Variants in ASAH2 observed in about 807,000 individuals in gnomAD.
ASAH2 encodes the protein N-acylsphingosine amidohydrolase 2.
ASAH2 carries 58 observed loss-of-function variants against 82.9 expected under a neutral mutation model. The ratio of observed to expected loss-of-function variants is 0.70; its 90% CI spans 0.57 to 0.87. The LOEUF is 0.87. Ranked by LOEUF, ASAH2 falls within the 40% of genes least tolerant of loss-of-function variation. ASAH2 has a pLI of 0.00. For synonymous variants in ASAH2, 276 were observed against 289.7 expected, an observed-to-expected ratio of 0.95 and a Z score of 0.48; for missense variants, 779 against 834.0, an observed-to-expected ratio of 0.93 and a Z score of 0.81.
At chr10:50,238,310 A>T (rs1260090733) in intron 4 of ASAH2, among the ~76,000 whole-genome samples, 6 of 152,284 alleles carry the variant, frequency 3.9e-5, no homozygotes, top group African/African-American at 1.4e-4. Context: ...GCAGGTGAAG[A>T]TCTACACCAT....
intron 4 of ASAH2, among the ~76,000 whole-genome samples, chr10:50,237,737 C>T (rs1315610847): frequency 6.6e-6 from 1 of 152,136 alleles, no homozygotes; most frequent in Non-Finnish European, 1.5e-5. Context: ...GCTGATTATG[C>T]TTTAATAAGC....
chr10:50,240,779 A>G (rs1027047085), intron 4 of ASAH2, among the ~76,000 whole-genome samples: 1 of 152,142 alleles, frequency 6.6e-6, no homozygotes, highest in Non-Finnish European at 1.5e-5. Flanking sequence ...TGCTCACTCA[A>G]GTGTCATTTC....
In ASAH2 at chr10:50,213,300, G is replaced by A. The variant is rs1451523074; in HGVS notation, c.1141-242C>T. On this transcript the variant is annotated intron_variant, in intron 9 of 20. Coordinates refer to ENST00000682911, the MANE Select transcript of ASAH2 (RefSeq NM_019893.4). ...TTAAAAATAAGGAAATTGAGGCTCA[G>A]GTTAAAAGATGTGTTGCTGATTATG... Among the ~76,000 whole-genome samples, 2 of 152,140 alleles carry A rather than the reference G, an allele frequency of 1.3e-5. 1 individual carries two copies. Among genetic ancestry groups the A allele is most frequent in the Non-Finnish European group, 2.9e-5 (2 of 68,038 alleles).
intron 7 of ASAH2, among the ~76,000 whole-genome samples, chr10:50,231,158 C>A (rs1589348522): frequency 2.0e-5 from 3 of 152,040 alleles, no homozygotes; most frequent in South Asian, 4.2e-4. Context: ...CTTGTCCCAA[C>A]AAATTTGGGA....
chr10:50,236,920 T>C (rs1218707660), intron 4 of ASAH2, among the ~76,000 whole-genome samples: 2 of 152,132 alleles, frequency 1.3e-5, no homozygotes, highest in Non-Finnish European at 2.9e-5. Context: ...ATATTTTTTT[T>C]CTAATGAAAG....
chr10:50,249,614 A>G (rs529060744), intron 1 of ASAH2, among the ~76,000 whole-genome samples: 11 of 152,356 alleles, frequency 7.2e-5, no homozygotes. Context: ...ATCTTATCTC[A>G]AAGTTCTTAT....
chr10:50,203,730 A>G (rs113345336), intron 14 of ASAH2, 51 bp from the exon 15 acceptor site: 1 of 1,552,324 alleles, frequency 6.4e-7, no homozygotes, highest in East Asian at 2.2e-5. Flanking sequence ...ACGTATGCAG[A>G]GTACACAGAA....
At chr10:50,198,097 T>A (rs1283887265) in intron 17 of ASAH2, among the ~76,000 whole-genome samples, 1 of 152,080 alleles carries the variant, frequency 6.6e-6, no homozygotes, top group Non-Finnish European at 1.5e-5. Context: ...TACAGGCATA[T>A]GAAATTTTCA....
At chr10:50,193,167 TA>T (rs1421860144) in intron 18 of ASAH2, among the ~76,000 whole-genome samples, 2 of 145,886 alleles carry the variant, frequency 1.4e-5, no homozygotes, top group African/African-American at 2.5e-5. Context: ...CTGAAACGAC[TA>T]AAAAACTGGA....
Position 50,203,631 on chromosome 10 carries a change from T to C in ASAH2, c.1665+9A>G. The C allele has an allele frequency of 6.2e-7, 1 of 1,611,524 alleles. No individual in the cohort carries two copies. Among genetic ancestry groups the C allele is most frequent in the South Asian group, 1.1e-5 (1 of 91,024 alleles). On this transcript the variant is annotated intron_variant, in intron 15 of 20. Transcript: ENST00000682911. The stretch of plus-strand genomic sequence containing the variant: ...AACATGTAGATATGTTATTTTATTT[T>C]TAACTTACTGCTTGAACTGCCTCTC...
Position 50,233,153 on chromosome 10 carries a change from C to T in ASAH2, c.893+31G>A, listed in dbSNP as rs962952210. On this transcript the variant is annotated intron_variant, in intron 7 of 20. Transcript: ENST00000682911. ...TCTTTAATTAAGAAAAGCTACCCGA[C>T]AGAATTATTTTTAAAAAGGAAATAC... 1.2e-5 allele frequency: 17 copies of T among 1,472,580 alleles called. No homozygotes were observed. The African/African-American group carries it at 2.1e-4, about 18-fold the overall frequency. 91.2% of individuals were successfully genotyped at this position (1,472,580 alleles called of 1,614,324 possible). A position where few individuals can be genotyped will look rare whatever the true frequency, so the allele number is the denominator to read the frequency against.
intron 7 of ASAH2, among the ~76,000 whole-genome samples, chr10:50,231,986 T>C (rs897485456): frequency 3.3e-5 from 5 of 152,130 alleles, no homozygotes; most frequent in Non-Finnish European, 7.4e-5. Flanking sequence ...AATAGGATAG[T>C]TAAGGTCTAA....
chr10:50,240,441 G>C (rs1449813159), intron 4 of ASAH2: 6 of 701,782 alleles, frequency 8.5e-6, no homozygotes, highest in Non-Finnish European at 1.3e-5. Context: ...CTCACTTCTA[G>C]TTCCACTCTA....
rs2133206750 is a variant in ASAH2 at position 50,211,058 on chromosome 10, A to G, written c.1304T>C (p.Val435Ala). 1.2e-6 allele frequency: 2 copies of G among 1,613,616 alleles called. No individual in the cohort carries two copies. Among genetic ancestry groups the G allele is most frequent in the South Asian group, 2.2e-5 (2 of 91,070 alleles). Residue 435 changes from valine (V) to alanine (A), a missense_variant, in exon 11 of 21, where the codon GTG becomes GCG. Coordinates refer to ENST00000682911, the MANE Select transcript of ASAH2 (RefSeq NM_019893.4). ...ATGTGTGGAATTGAGCCAGACAGTC[A>G]CATCTGTCATATCCACCCACTGGTG... ...SAHQWVDMTD[V>A]TVWLNSTHAS...
Position 50,212,629 on chromosome 10 carries a change from T to C in ASAH2, c.1227+343A>G, listed in dbSNP as rs1055898191. Among the ~76,000 whole-genome samples the C allele has an allele frequency of 1.1e-3, 170 of 152,184 alleles. 2 individuals are homozygous for C. The highest frequency in any genetic ancestry group is 4.7e-4 in the Non-Finnish European group (32 of 68,032). On this transcript the variant is annotated intron_variant, in intron 10 of 20. Coordinates refer to ENST00000682911, the MANE Select transcript of ASAH2 (RefSeq NM_019893.4). The stretch of plus-strand genomic sequence containing the variant: ...CCTTAAAGACTTCTGAGAATTTGAA[T>C]CAATCTGGTCATATCTAATGCCACA...
At chr10:50,236,422 A>T (rs1339662877) in intron 4 of ASAH2, among the ~76,000 whole-genome samples, 2 of 152,068 alleles carry the variant, frequency 1.3e-5, no homozygotes, top group African/African-American at 4.8e-5. Flanking sequence ...GAACAGCAGC[A>T]TGGGGGTACC....
intron 9 of ASAH2, among the ~76,000 whole-genome samples, chr10:50,213,705 G>A (rs1845522998): frequency 1.3e-5 from 2 of 151,914 alleles, no homozygotes; most frequent in Non-Finnish European, 2.9e-5. Context: ...ATTTCCATAG[G>A]GGGCAAAAGA....
rs1351288137 is a variant in ASAH2, at chr10:50,234,565, A to G, written c.688-13T>C. On this transcript the variant is annotated splice_polypyrimidine_tract_variant and intron_variant, in intron 5 of 20. Coordinates refer to ENST00000682911, the MANE Select transcript of ASAH2 (RefSeq NM_019893.4). ...CTATGTCAATGCTCTGAAGGTTAAA[A>G]AAGAGGGGGATGTTATAAGCTTAGA... 8.7e-6 allele frequency: 14 copies of G among 1,612,538 alleles called. No individual in the cohort carries two copies. Among genetic ancestry groups the G allele is most frequent in the Non-Finnish European group, 1.2e-5 (14 of 1,178,880 alleles).
intron 4 of ASAH2, among the ~76,000 whole-genome samples, chr10:50,241,416 C>G (rs1383111166): frequency 6.6e-6 from 1 of 152,130 alleles, no homozygotes; most frequent in Non-Finnish European, 1.5e-5. Flanking sequence ...CTATCCACCA[C>G]CTAGAAAATG....
Sources: gnomAD v4.1 joint callset for allele counts (sites outside exome capture counted in the v4.1 genomes callset) on GRCh38, gnomAD v4.1.1 for gene constraint, MANE v1.5 for transcripts, NCBI Gene and HGNC (gene_info 2026-07-23, HGNC 2026-07-21) for gene names.